TEX9: variants seen among roughly 807,000 people sequenced by gnomAD.
TEX9 encodes testis expressed 9.
In TEX9, 74 loss-of-function variants were observed where a neutral mutation model predicts 59.6. That is an observed-to-expected ratio of 1.24 (90% CI 1.03 to 1.51). The LOEUF (loss-of-function observed/expected upper bound fraction) is 1.51, where lower values mean the gene tolerates loss of function less well. Among genes scored for constraint, TEX9 ranks in the 40% most tolerant of loss-of-function variants. The pLI is 0.00. For missense variants in TEX9, 522 were observed against 447.8 expected, an observed-to-expected ratio of 1.17 and a Z score of -1.49; for synonymous variants, 186 against 152.2, an observed-to-expected ratio of 1.22 and a Z score of -1.64.
intron 12 of TEX9, chr15:56,434,111 C>CA (rs769882132): frequency 1.9e-6 from 3 of 1,598,956 alleles, no homozygotes; most frequent in South Asian, 1.1e-5. Context: ...TGATAATGAC[C>CA]AAAAAAACCC....
intron 1 of TEX9, among the ~76,000 whole-genome samples, chr15:56,285,018 C>T (rs1596065454): frequency 1.3e-5 from 2 of 152,096 alleles, no homozygotes; most frequent in East Asian, 3.8e-4. Flanking sequence ...TATATTATAA[C>T]TTTATTTATC....
intron 1 of TEX9, among the ~76,000 whole-genome samples, chr15:56,263,312 C>T (rs1424800606): frequency 5.9e-5 from 9 of 152,114 alleles, no homozygotes; most frequent in Non-Finnish European, 1.0e-4. Flanking sequence ...CGTGAGCCAC[C>T]GTGCCTGGCC....
intron 1 of TEX9, among the ~76,000 whole-genome samples, chr15:56,328,349 C>G (rs2046069659): frequency 6.6e-6 from 1 of 152,110 alleles, no homozygotes; most frequent in Non-Finnish European, 1.5e-5. Context: ...CCAGGTGATA[C>G]ATCGTGGGCC....
chr15:56,391,256 T>C, exon 7 of TEX9: 3 of 1,556,926 alleles, frequency 1.9e-6, no homozygotes, highest in Non-Finnish European at 2.6e-6. Flanking sequence ...TAAATTGAAA[T>C]ACTCTGATGT....
chr15:56,291,722 C>T (rs2045099019), intron 1 of TEX9, among the ~76,000 whole-genome samples: 1 of 152,188 alleles, frequency 6.6e-6, no homozygotes, highest in African/African-American at 2.4e-5. Flanking sequence ...CAACTTCTAC[C>T]TTTGAAAGAG....
intron 1 of TEX9, among the ~76,000 whole-genome samples, chr15:56,256,505 A>T (rs1294462554): frequency 1.3e-5 from 2 of 152,136 alleles, no homozygotes; most frequent in Non-Finnish European, 2.9e-5. Flanking sequence ...TGAAAAAAAT[A>T]CATAAAGTAG....
chr15:56,279,825 C>T (rs147157843), intron 1 of TEX9, among the ~76,000 whole-genome samples: 2 of 152,256 alleles, frequency 1.3e-5, no homozygotes, highest in Admixed American at 6.5e-5. Context: ...ATATTGTTTG[C>T]GTTCACAAAA....
intron 12 of TEX9, chr15:56,429,788 A>T (rs2050519986): frequency 1.3e-5 from 2 of 152,230 alleles, no homozygotes; most frequent in African/African-American, 4.8e-5. Flanking sequence ...AATTTTAGGG[A>T]TAACTGAAGT....
At chr15:56,394,200 G>T in exon 8 of TEX9, 5 of 1,608,972 alleles carry the variant, frequency 3.1e-6, no homozygotes, top group Non-Finnish European at 4.2e-6. Context: ...CAAACTCCAT[G>T]TTATGCAGGA....
At chr15:56,455,261 A>C in the TEX9 span, among the ~76,000 whole-genome samples, 4 of 151,512 alleles carry the variant, frequency 2.6e-5, no homozygotes, top group South Asian at 4.1e-4. Context: ...AAAAAAAAAA[A>C]AAAAAAAAAA....
At chr15:56,325,618 T>A (rs2046004445) in intron 1 of TEX9, among the ~76,000 whole-genome samples, 1 of 152,190 alleles carries the variant, frequency 6.6e-6, no homozygotes, top group Admixed American at 6.5e-5. Context: ...CACCCTCTCA[T>A]AATGTAAGGT....
intron 1 of TEX9, among the ~76,000 whole-genome samples, chr15:56,290,929 C>T (rs2045075379): frequency 6.6e-6 from 1 of 152,004 alleles, no homozygotes; most frequent in African/African-American, 2.4e-5. Context: ...ACTCTGCCAT[C>T]TTGGTTGACA....
chr15:56,435,033 T>C (rs1256971649), intron 12 of TEX9, among the ~76,000 whole-genome samples: 1 of 152,078 alleles, frequency 6.6e-6, no homozygotes, highest in Non-Finnish European at 1.5e-5. Flanking sequence ...AATTTTACAA[T>C]GGTCACTCAC....
At chr15:56,401,998 T>G (rs2048811478) in intron 9 of TEX9, among the ~76,000 whole-genome samples, 1 of 152,154 alleles carries the variant, frequency 6.6e-6, no homozygotes, top group Admixed American at 6.5e-5. Flanking sequence ...AGAGGGAAAT[T>G]TATAGCACTA....
At chr15:56,379,408 G>T (rs1321245100) in intron 3 of TEX9, among the ~76,000 whole-genome samples, 11 of 152,172 alleles carry the variant, frequency 7.2e-5, no homozygotes, top group African/African-American at 2.7e-4. Context: ...GATCAGAGAA[G>T]ATGCTTGATA....
Position 56,430,155 on chromosome 15 carries a change from G to C in TEX9, c.*29+1682G>C, listed in dbSNP as rs1197886037. On this transcript the variant is annotated intron_variant, in intron 12 of 12. Coordinates refer to ENST00000352903, the Ensembl canonical transcript of TEX9. ...TGAAATGGCATTTCTATAGCTGAAA[G>C]ATGGCGATCTTATTTATATGAGTCT... 1.3e-5 allele frequency: 2 copies of C among 152,094 alleles called. No individual in the cohort carries two copies. The highest frequency in any genetic ancestry group is 2.4e-5 in the African/African-American group (1 of 41,426). 9.4% of individuals were successfully genotyped at this position (152,094 alleles called of 1,614,324 possible). A position where few individuals can be genotyped will look rare whatever the true frequency, so the allele number is the denominator to read the frequency against.
At position 56,442,871 on chromosome 15, in the gene TEX9, T is replaced by C. The variant is rs1033330306; in HGVS notation, c.*30-2800T>C. ...TACCCCTGTAACAAACCAGCACATGTACCTCCTGAACCTAAAGTAAAAGTT... is the reference window on the plus strand; with the variant it reads ...TACCCCTGTAACAAACCAGCACATGCACCTCCTGAACCTAAAGTAAAAGTT... On this transcript the variant is annotated intron_variant, in intron 12 of 12. Coordinates refer to ENST00000352903, the Ensembl canonical transcript of TEX9. 1.6e-4 allele frequency among the ~76,000 whole-genome samples: 24 copies of C among 151,898 alleles called. 1 individual carries two copies. The highest frequency in any genetic ancestry group is 1.0e-3 in the South Asian group (5 of 4,804).
chr15:56,416,293 G>A (rs1474599122), intron 10 of TEX9, among the ~76,000 whole-genome samples: 1 of 151,916 alleles, frequency 6.6e-6, no homozygotes, highest in Non-Finnish European at 1.5e-5. Context: ...TCATGTGACA[G>A]TTTTCAAGGG....
rs1291170437 is a variant in TEX9 at position 56,426,426 on chromosome 15, A to ATTGAT, written c.964-1179_964-1178insTTGAT. Among the ~76,000 whole-genome samples, 4 of 151,178 alleles carry ATTGAT rather than the reference A, an allele frequency of 2.6e-5. No individual in the cohort carries two copies. In the East Asian group the frequency reaches 7.8e-4, roughly 29 times the overall value. On this transcript the variant is annotated intron_variant, in intron 10 of 12. Coordinates refer to ENST00000352903, the Ensembl canonical transcript of TEX9. ...GTCTCTTGGTTGCTGCTGCTGACTG[A>ATTGAT]CTGATTGGTTTCTAGAGCTCTCCCA... is the stretch of plus-strand genomic sequence containing the variant.
Sources: gnomAD v4.1 joint callset for allele counts (sites outside exome capture counted in the v4.1 genomes callset) on GRCh38, gnomAD v4.1.1 for gene constraint, MANE v1.5 for transcripts, NCBI Gene and HGNC (gene_info 2026-07-23, HGNC 2026-07-21) for gene names.